Variants in TTC39C observed in about 807,000 individuals in gnomAD.
TTC39C encodes the protein tetratricopeptide repeat domain 39C.
In TTC39C, 33 loss-of-function variants were observed where a neutral mutation model predicts 76.3. The observed-to-expected ratio is 0.43, with a 90% CI of 0.33 to 0.58. TTC39C has a LOEUF of 0.58. TTC39C is among the 20% of genes least tolerant of loss of function. The pLI is 0.04. For missense variants in TTC39C, 595 were observed against 701.4 expected (o/e 0.85, Z 1.71); for synonymous variants, 254 against 260.6 (o/e 0.97, Z 0.24).
At chr18:24,034,912 A>G (rs533027054) in intron 1 of TTC39C, among the ~76,000 whole-genome samples, 7 of 152,320 alleles carry the variant, frequency 4.6e-5, no homozygotes, top group Admixed American at 1.3e-4. Context: ...CCTTTTGGCT[A>G]TTGTGAACAA....
At chr18:23,994,439 A>T (rs1358531320) in intron 1 of TTC39C, 1 of 152,158 alleles carries the variant, frequency 6.6e-6, no homozygotes, top group East Asian at 1.9e-4. Flanking sequence ...TCTGTCATGA[A>T]CTTTAAAGAC....
chr18:24,030,898 G>A (rs2083660948), intron 1 of TTC39C, among the ~76,000 whole-genome samples: 1 of 151,700 alleles, frequency 6.6e-6, no homozygotes, highest in Admixed American at 6.6e-5. Flanking sequence ...TGCCTGCCTC[G>A]GCCTCCCAAA....
intron 10 of TTC39C, among the ~76,000 whole-genome samples, chr18:24,127,628 A>G (rs2085067257): frequency 6.6e-6 from 1 of 151,978 alleles, no homozygotes; most frequent in African/African-American, 2.4e-5. Flanking sequence ...GCGATCCTCC[A>G]ACCTCAGCCT....
chr18:24,114,198 G>A lies in TTC39C; in HGVS notation c.985-356G>A, dbSNP rs576683698. The A allele has an allele frequency of 3.8e-4, 100 of 264,448 alleles. 1 individual carries two copies. The highest frequency in any genetic ancestry group is 6.6e-5 in the Non-Finnish European group (9 of 136,474). The allele number at this position is 264,448 out of a possible 1,614,324, so 16.4% of individuals were successfully genotyped here. Reference sequence around the variant, plus strand: ...CCAACACGTCCTACTGTACAAGTGTGAGAGAACGCTGGAGGAGAAGGCGGC... The same window carrying A: ...CCAACACGTCCTACTGTACAAGTGTAAGAGAACGCTGGAGGAGAAGGCGGC... On this transcript the variant is annotated intron_variant, in intron 6 of 13. Coordinates refer to ENST00000317571, the MANE Select transcript of TTC39C (RefSeq NM_001135993.2).
intron 1 of TTC39C, among the ~76,000 whole-genome samples, chr18:24,005,799 T>C (rs1164683734): frequency 6.6e-6 from 1 of 151,040 alleles, no homozygotes; most frequent in Non-Finnish European, 1.5e-5. Context: ...AAGCTATGAT[T>C]GCACCACTGT....
chr18:24,132,458 C>G, intron 13 of TTC39C, 27 bp from the exon 14 acceptor site: 2 of 1,603,038 alleles, frequency 1.2e-6, no homozygotes, highest in Non-Finnish European at 1.7e-6. Flanking sequence ...TAACAGAGTG[C>G]ATAAATATCT....
rs946239976 is a variant in TTC39C at position 24,014,841 on chromosome 18, G to A, written c.-31G>A. The A allele has an allele frequency of 1.8e-5, 22 of 1,238,330 alleles. No homozygotes were observed. The highest frequency in any genetic ancestry group is 2.8e-4 in the Middle Eastern group (1 of 3,570). 76.7% of individuals were successfully genotyped at this position (1,238,330 alleles called of 1,614,324 possible). ...GGCCGCAGCAGCTGCTCCCGATCTCGCCTCGGCCCAGCGCAGGGCCTCGCA... is the reference window on the plus strand; with the variant it reads ...GGCCGCAGCAGCTGCTCCCGATCTCACCTCGGCCCAGCGCAGGGCCTCGCA... On this transcript the variant is annotated 5_prime_UTR_variant, in exon 1 of 14. Coordinates refer to ENST00000317571, the MANE Select transcript of TTC39C (RefSeq NM_001135993.2).
chr18:24,035,116 G>A (rs2083716772), intron 1 of TTC39C, among the ~76,000 whole-genome samples: 1 of 152,048 alleles, frequency 6.6e-6, no homozygotes, highest in Admixed American at 6.6e-5. Flanking sequence ...TCAGAGATCA[G>A]TGTAACCTTA....
At chr18:24,045,194 G>A (rs1042641139) in intron 1 of TTC39C, among the ~76,000 whole-genome samples, 107 of 151,198 alleles carry the variant, frequency 7.1e-4, no homozygotes, top group African/African-American at 2.4e-3. Flanking sequence ...ACCTGAACCC[G>A]GGAGGTGGAG....
chr18:24,045,907 A>ATGTATATG (rs763445828), intron 1 of TTC39C, among the ~76,000 whole-genome samples: 10 of 40,588 alleles, frequency 2.5e-4, no homozygotes, highest in South Asian at 2.3e-3. Flanking sequence ...ATATATATAT[A>ATGTATATG]TATATATATA....
At chr18:24,113,395 C>G (rs2084842524) in intron 6 of TTC39C, 2 of 588,568 alleles carry the variant, frequency 3.4e-6, no homozygotes, top group Admixed American at 3.0e-5. Context: ...GGGGACCCGT[C>G]CTCTGAGAAG....
intron 1 of TTC39C, among the ~76,000 whole-genome samples, chr18:24,047,921 T>C (rs1177568874): frequency 6.6e-6 from 1 of 152,170 alleles, no homozygotes; most frequent in Middle Eastern, 3.2e-3. Context: ...CCCATAAATA[T>C]ATACACCTAT....
intron 1 of TTC39C, among the ~76,000 whole-genome samples, chr18:24,032,272 C>T (rs962476060): frequency 7.0e-4 from 107 of 152,170 alleles, no homozygotes; most frequent in African/African-American, 2.5e-3. Context: ...TTACAACAGC[C>T]ACAGAAAACT....
chr18:24,047,306 T>TG (rs912896538), intron 1 of TTC39C, among the ~76,000 whole-genome samples: 10 of 149,960 alleles, frequency 6.7e-5, no homozygotes, highest in Admixed American at 2.0e-4. Flanking sequence ...TTGGCCAGGC[T>TG]GATCTCGAAC....
intron 12 of TTC39C, among the ~76,000 whole-genome samples, chr18:24,131,208 CAA>C (rs35276530): frequency 3.3e-4 from 40 of 119,502 alleles, no homozygotes; most frequent in African/African-American, 4.3e-4. Flanking sequence ...GACCCTGTCT[CAA>C]AAAAAAAAAA....
upstream of TTC39C, among the ~76,000 whole-genome samples, chr18:24,010,532 G>C (rs1461346196): frequency 2.6e-5 from 4 of 152,180 alleles, no homozygotes; most frequent in Non-Finnish European, 5.9e-5. Flanking sequence ...AGCTGAATGG[G>C]TAAAGCTAGC....
intron 1 of TTC39C, among the ~76,000 whole-genome samples, chr18:24,049,694 TGAG>T (rs1399151222): frequency 3.3e-5 from 5 of 152,264 alleles, no homozygotes; most frequent in Non-Finnish European, 5.9e-5. Flanking sequence ...CAGGAACCAT[TGAG>T]GAGAGAGGCA....
intron 1 of TTC39C, among the ~76,000 whole-genome samples, chr18:24,045,738 C>G (rs1372851539): frequency 2.0e-5 from 3 of 151,260 alleles, no homozygotes; most frequent in Non-Finnish European, 2.9e-5. Context: ...CATTTTAAAA[C>G]TATGCCTTAT....
At chr18:24,033,008 G>A (rs1489456699) in intron 1 of TTC39C, among the ~76,000 whole-genome samples, 2 of 152,190 alleles carry the variant, frequency 1.3e-5, no homozygotes, top group South Asian at 2.1e-4. Context: ...TTCCCAGCAC[G>A]TTGGAAGGTG....
Sources: allele counts gnomAD v4.1 joint callset (sites outside exome capture counted in the v4.1 genomes callset), GRCh38; gene constraint gnomAD v4.1.1; transcripts MANE v1.5; gene names NCBI Gene and HGNC (gene_info 2026-07-23, HGNC 2026-07-21).